Variants in SYNGR2 observed in about 807,000 individuals in gnomAD.
SYNGR2 encodes the protein synaptogyrin 2.
A neutral mutation model predicts 18.7 loss-of-function variants in SYNGR2; 11 were observed. That is an observed-to-expected ratio of 0.59 (90% confidence interval 0.37 to 0.97). The LOEUF (loss-of-function observed/expected upper bound fraction) is 0.97, where lower values mean the gene tolerates loss of function less well. Ranked by LOEUF, SYNGR2 falls within the 50% of genes least tolerant of loss-of-function variation. SYNGR2 has a pLI of 0.01. For missense variants in SYNGR2, 253 were observed against 300.7 expected, an observed-to-expected ratio of 0.84 and a Z score of 1.17; for synonymous variants, 127 against 131.0, an observed-to-expected ratio of 0.97 and a Z score of 0.21.
At position 78,170,810 on chromosome 17, in the gene SYNGR2, C is replaced by T. The variant is rs1457684359; in HGVS notation, c.100-7C>T. 1 of 1,604,436 alleles carries T rather than the reference C, an allele frequency of 6.2e-7. No homozygotes were observed. The highest frequency in any genetic ancestry group is 8.5e-7 in the Non-Finnish European group (1 of 1,175,970). On this transcript the variant is annotated splice_region_variant and splice_polypyrimidine_tract_variant and intron_variant, in intron 1 of 3. Transcript: ENST00000225777. ...ACCAGCCCTACCAGGTCCTCCCCTC[C>T]CGGCAGGTCTTCGCCTTGATCGTGT...
At chr17:78,169,299 C>A (rs2075642848) in intron 1 of SYNGR2, 1 of 145,890 alleles carries the variant, frequency 6.9e-6, no homozygotes. Context: ...TGTTCTTGGA[C>A]AGCCAGCCCT....
In SYNGR2 at chr17:78,171,032, C is replaced by G; in HGVS notation, c.315C>G (p.Val105=). ...ACGCCACTGACCGCAAGTACCTGGT[C>G]ATTGGTGACCTGCTCTTCTCAGGTA... ...ISNATDRKYL[V]IGDLLFSALW... is the part of the protein sequence containing the mutation. The change falls in exon 2 of 4, where the codon GTC becomes GTG. Residue 105 remains valine, a synonymous_variant. Coordinates refer to ENST00000225777, the MANE Select transcript of SYNGR2 (RefSeq NM_004710.7). The surrounding 1 kb of genome is among the most constrained non-coding windows in gnomAD (Gnocchi z 6.6). 1 of 1,613,286 alleles carries G rather than the reference C, an allele frequency of 6.2e-7. No homozygotes were observed. Among genetic ancestry groups the G allele is most frequent in the Non-Finnish European group, 8.5e-7 (1 of 1,179,976 alleles).
chr17:78,172,631 C>T lies in SYNGR2; in HGVS notation c.*695C>T, dbSNP rs990124859. Reference sequence around the variant, plus strand: ...GCAGGGGTGCCCCATGGCTCCCAGACTCTGTCTGTGCCGAGTGTATTATAA... The same window carrying T: ...GCAGGGGTGCCCCATGGCTCCCAGATTCTGTCTGTGCCGAGTGTATTATAA... On this transcript the variant is annotated 3_prime_UTR_variant, in exon 4 of 4. Coordinates refer to ENST00000225777, the MANE Select transcript of SYNGR2 (RefSeq NM_004710.7). 3.9e-5 allele frequency: 6 copies of T among 152,638 alleles called. No individual in the cohort carries two copies. The highest frequency in any genetic ancestry group is 4.1e-4 in the South Asian group (2 of 4,850). The allele number at this position is 152,638 out of a possible 1,614,324, so 9.5% of individuals were successfully genotyped here.
Position 78,171,422 on chromosome 17 carries a change from CCCTGCCCTACCTG to C in SYNGR2, c.338-85_338-73del. 6.8e-7 allele frequency: 1 copy of C among 1,474,064 alleles called. No individual in the cohort carries two copies. Among genetic ancestry groups the C allele is most frequent in the Non-Finnish European group, 9.1e-7 (1 of 1,101,380 alleles). The allele number at this position is 1,474,064 out of a possible 1,614,324, so 91.3% of individuals were successfully genotyped here. The stretch of plus-strand genomic sequence containing the variant: ...TAGTGTGGAGGCTCCCCCGGGAGGT[CCCTGCCCTACCTG>C]CCCGCGTCCCCTCCCAGAGTCCTGG... On this transcript the variant is annotated intron_variant, in intron 2 of 3. Coordinates refer to ENST00000225777, the MANE Select transcript of SYNGR2 (RefSeq NM_004710.7). This position sits in a 1 kb window ranked among gnomAD's most constrained non-coding sequence, Gnocchi z 6.6.
chr17:78,168,664 C>T lies in SYNGR2; in HGVS notation c.48C>T (p.Asp16=). The T allele has an allele frequency of 3.3e-6, 4 of 1,204,962 alleles. No homozygotes were observed. Among genetic ancestry groups the T allele is most frequent in the Non-Finnish European group, 4.1e-6 (4 of 970,614 alleles). The allele number at this position is 1,204,962 out of a possible 1,614,324, so 74.6% of individuals were successfully genotyped here. Residue 16 remains aspartate (D), a synonymous_variant, in exon 1 of 4, where the codon GAC becomes GAT. Coordinates refer to ENST00000225777, the MANE Select transcript of SYNGR2 (RefSeq NM_004710.7). ...CGGCCAAGGCGGGCGGCTCCTTCGA[C>T]CTGCGGCGCTTCCTGACGCAGCCGC... is the stretch of plus-strand genomic sequence containing the variant. The part of the protein sequence containing the change: ...YGAAKAGGSF[D]LRRFLTQPQV...
intron 1 of SYNGR2, chr17:78,169,218 C>G (rs1351451750): frequency 6.7e-6 from 1 of 149,532 alleles, no homozygotes; most frequent in East Asian, 2.0e-4. Flanking sequence ...AGATGTACCC[C>G]CTCCCTGTAA....
chr17:78,168,717 T>C lies in SYNGR2; in HGVS notation c.99+2T>C, dbSNP rs35184266. 8.3e-7 allele frequency: 1 copy of C among 1,198,612 alleles called. No homozygotes were observed. The highest frequency in any genetic ancestry group is 3.5e-5 in the East Asian group (1 of 28,634). The allele number at this position is 1,198,612 out of a possible 1,614,324, so 74.2% of individuals were successfully genotyped here. On this transcript the variant is annotated splice_donor_variant, in intron 1 of 3. Transcript: ENST00000225777. LOFTEE classifies it high-confidence loss of function. Reference sequence around the variant, plus strand: ...GTGGTGGCGCGCGCCGTGTGCTTGGTGAGCCCGGGGAGGGCGGGCCGAGGG... The same window carrying C: ...GTGGTGGCGCGCGCCGTGTGCTTGGCGAGCCCGGGGAGGGCGGGCCGAGGG...
chr17:78,170,151 G>A (rs963305697), intron 1 of SYNGR2: 5 of 152,570 alleles, frequency 3.3e-5, no homozygotes, highest in African/African-American at 1.2e-4. Context: ...TTCAAGGTGA[G>A]GTTGGGCTGG....
rs772189893 is a variant in SYNGR2, at chr17:78,171,927, T to C, written c.666T>C (p.Pro222=). ...AETTEGYQPP[P]VY ...CCACCGAGGGCTACCAGCCGCCCCCTGTGTACTGAGCGGCGGTTAGCGTGG... is the reference window on the plus strand; with the variant it reads ...CCACCGAGGGCTACCAGCCGCCCCCCGTGTACTGAGCGGCGGTTAGCGTGG... The change falls in exon 4 of 4, where the codon CCT becomes CCC. Residue 222 remains proline (P), a synonymous_variant. Coordinates refer to ENST00000225777, the MANE Select transcript of SYNGR2 (RefSeq NM_004710.7). The surrounding 1 kb of genome is among the most constrained non-coding windows in gnomAD (Gnocchi z 6.6). 3.1e-6 allele frequency: 5 copies of C among 1,611,818 alleles called. No homozygotes were observed. In the East Asian group the frequency reaches 8.9e-5, roughly 29 times the overall value.
chr17:78,170,989 A>G lies in SYNGR2; in HGVS notation c.272A>G (p.Tyr91Cys). 6.4e-7 allele frequency: 1 copy of G among 1,554,712 alleles called. No individual in the cohort carries two copies. Residue 91 changes from tyrosine (Y) to cysteine (C), a missense_variant, in exon 2 of 4, where the codon TAT (tyrosine) becomes TGT (cysteine). Transcript: ENST00000225777. Reference protein sequence around the residue: ...ASAFFLVVDAYFPQISNATDR... With the variant: ...ASAFFLVVDACFPQISNATDR... ...GCCTTCTTCTTGGTGGTCGACGCGT[A>G]TTTCCCCCAGATCAGCAACGCCACT...
Position 78,171,059 on chromosome 17 carries a change from C to T in SYNGR2, c.337+5C>T, listed in dbSNP as rs2075655300. The T allele has an allele frequency of 4.3e-6, 7 of 1,611,586 alleles. No homozygotes were observed. Among genetic ancestry groups the T allele is most frequent in the Non-Finnish European group, 5.9e-6 (7 of 1,178,798 alleles). On this transcript the variant is annotated splice_donor_5th_base_variant and intron_variant, in intron 2 of 3. Transcript: ENST00000225777. The surrounding 1 kb of genome is among the most constrained non-coding windows in gnomAD (Gnocchi z 6.6). ...TTGGTGACCTGCTCTTCTCAGGTAT[C>T]TGCCTGTGGCACCTCCATTTGATCT...
Position 78,171,322 on chromosome 17 carries a change from G to A in SYNGR2, c.338-188G>A, listed in dbSNP as rs2075656780. On this transcript the variant is annotated intron_variant, in intron 2 of 3. Transcript: ENST00000225777. This position sits in a 1 kb window ranked among gnomAD's most constrained non-coding sequence, Gnocchi z 6.6. The stretch of plus-strand genomic sequence containing the variant: ...TTTGTCCCCTAGGCTGTCTGCTGTG[G>A]CCCACCCTGCCAAGGCCCGAGTGTG... 1 of 741,330 alleles carries A rather than the reference G, an allele frequency of 1.3e-6. No homozygotes were observed. Among genetic ancestry groups the A allele is most frequent in the Admixed American group, 3.0e-5 (1 of 33,488 alleles). 45.9% of individuals were successfully genotyped at this position (741,330 alleles called of 1,614,324 possible).
Position 78,168,640 on chromosome 17 carries a change from G to A in SYNGR2, c.24G>A (p.Ala8=). The part of the protein sequence containing the change: MESGAYG[A]AKAGGSFDLR... ...ACATGGAGAGCGGGGCCTACGGCGC[G>A]GCCAAGGCGGGCGGCTCCTTCGACC... The change falls in exon 1 of 4, where the codon GCG becomes GCA. Residue 8 remains alanine, a synonymous_variant. Transcript: ENST00000225777. The A allele has an allele frequency of 8.3e-7, 1 of 1,204,786 alleles. No homozygotes were observed. The highest frequency in any genetic ancestry group is 1.0e-6 in the Non-Finnish European group (1 of 970,602). 74.6% of individuals were successfully genotyped at this position (1,204,786 alleles called of 1,614,324 possible). A position where few individuals can be genotyped will look rare whatever the true frequency, so the allele number is the denominator to read the frequency against.
chr17:78,168,711 G>A lies in SYNGR2; in HGVS notation c.95G>A (p.Cys32Tyr). The A allele has an allele frequency of 8.3e-7, 1 of 1,199,952 alleles. No homozygotes were observed. The highest frequency in any genetic ancestry group is 1.0e-6 in the Non-Finnish European group (1 of 967,386). 74.3% of individuals were successfully genotyped at this position (1,199,952 alleles called of 1,614,324 possible). The part of the protein sequence containing the change: ...TQPQVVARAV[C>Y]LVFALIVFSC... ...CCGCAGGTGGTGGCGCGCGCCGTGT[G>A]CTTGGTGAGCCCGGGGAGGGCGGGC... The change falls in exon 1 of 4, where the codon TGC (cysteine) becomes TAC (tyrosine). Residue 32 changes from cysteine (C) to tyrosine (Y), a missense_variant. Physicochemically the swap from Cys to Tyr is radical, Grantham distance 194. Transcript: ENST00000225777.
In SYNGR2 at chr17:78,170,909, C is replaced by G; in HGVS notation, c.192C>G (p.Asn64Lys). Residue 64 changes from asparagine to lysine, a missense_variant, in exon 2 of 4, where the codon AAC becomes AAG. By Grantham distance (94) the Asn-to-Lys change is moderately conservative. Coordinates refer to ENST00000225777, the MANE Select transcript of SYNGR2 (RefSeq NM_004710.7). ...SKQMYCVFNRNEDACRYGSAI... is the reference protein window; with the variant it reads ...SKQMYCVFNRKEDACRYGSAI... ...AGATGTACTGCGTGTTCAACCGCAA[C>G]GAGGATGCCTGCCGCTATGGCAGTG... 6.2e-7 allele frequency: 1 copy of G among 1,613,542 alleles called. No homozygotes were observed. Among genetic ancestry groups the G allele is most frequent in the Non-Finnish European group, 8.5e-7 (1 of 1,180,036 alleles).
At position 78,171,724 on chromosome 17, in the gene SYNGR2, G is replaced by C; in HGVS notation, c.478-15G>C. 1 of 1,613,996 alleles carries C rather than the reference G, an allele frequency of 6.2e-7. No homozygotes were observed. Among genetic ancestry groups the C allele is most frequent in the Non-Finnish European group, 8.5e-7 (1 of 1,179,964 alleles). On this transcript the variant is annotated splice_polypyrimidine_tract_variant and intron_variant, in intron 3 of 3. Coordinates refer to ENST00000225777, the MANE Select transcript of SYNGR2 (RefSeq NM_004710.7). This position sits in a 1 kb window ranked among gnomAD's most constrained non-coding sequence, Gnocchi z 6.6. ...GTCCCCCACCCACCTGTACCCTGCT[G>C]TGCTCCCCCTGCAGGGTGTGCTGGC...
Position 78,168,670 on chromosome 17 carries a change from G to T in SYNGR2, c.54G>T (p.Arg18=). Residue 18 remains arginine, a synonymous_variant, in exon 1 of 4, where the codon CGG becomes CGT. Coordinates refer to ENST00000225777, the MANE Select transcript of SYNGR2 (RefSeq NM_004710.7). Reference sequence around the variant, plus strand: ...AGGCGGGCGGCTCCTTCGACCTGCGGCGCTTCCTGACGCAGCCGCAGGTGG... The same window carrying T: ...AGGCGGGCGGCTCCTTCGACCTGCGTCGCTTCCTGACGCAGCCGCAGGTGG... The part of the protein sequence containing the change: ...AAKAGGSFDL[R]RFLTQPQVVA... 8.3e-7 allele frequency: 1 copy of T among 1,204,764 alleles called. No individual in the cohort carries two copies. The allele number at this position is 1,204,764 out of a possible 1,614,324, so 74.6% of individuals were successfully genotyped here.
At position 78,171,095 on chromosome 17, in the gene SYNGR2, A is replaced by G; in HGVS notation, c.337+41A>G. On this transcript the variant is annotated intron_variant, in intron 2 of 3. Transcript: ENST00000225777. The surrounding 1 kb of genome is among the most constrained non-coding windows in gnomAD (Gnocchi z 6.6). ...ACCTCCATTTGATCTTGGGGGAGGC[A>G]TTAACTCTAGGGTTCCGCAGCTGGG... is the stretch of plus-strand genomic sequence containing the variant. 6.3e-7 allele frequency: 1 copy of G among 1,591,628 alleles called. No homozygotes were observed. Among genetic ancestry groups the G allele is most frequent in the Non-Finnish European group, 8.6e-7 (1 of 1,163,256 alleles).
In SYNGR2 at chr17:78,170,533, T is replaced by C. The variant is rs552756732; in HGVS notation, c.100-284T>C. 2.5e-4 allele frequency: 100 copies of C among 397,972 alleles called. No individual in the cohort carries two copies. In the East Asian group the frequency reaches 5.3e-3, roughly 21 times the overall value. The allele number at this position is 397,972 out of a possible 1,614,324, so 24.7% of individuals were successfully genotyped here. On this transcript the variant is annotated intron_variant, in intron 1 of 3. Transcript: ENST00000225777. ...GGCCAACATGGTGAAACCCTATCTC[T>C]ACTAAAAATACGGGTGTGGTGGAGG... is the stretch of plus-strand genomic sequence containing the variant.
Sources: gnomAD v4.1 joint callset for allele counts on GRCh38, gnomAD v4.1.1 for gene constraint, Gnocchi (gnomAD v3.1) non-coding constraint, MANE v1.5 for transcripts, NCBI Gene and HGNC (gene_info 2026-07-23, HGNC 2026-07-21) for gene names.